The following PICALM variants were observed in gnomAD, a reference collection of about 807,000 sequenced individuals.
PICALM encodes the protein phosphatidylinositol-binding clathrin assembly protein.
A neutral mutation model predicts 80.5 loss-of-function variants in PICALM; 40 were observed. That is an observed-to-expected ratio of 0.50 (90% CI 0.39 to 0.65). The LOEUF is 0.65. Among genes scored for constraint, PICALM ranks in the 30% least tolerant of loss-of-function variants. PICALM has a pLI of 0.00. For missense variants in PICALM, 676 were observed against 778.9 expected, an observed-to-expected ratio of 0.87 and a Z score of 1.57; for synonymous variants, 288 against 260.3, an observed-to-expected ratio of 1.11 and a Z score of -1.02.
intron 13 of PICALM, among the ~76,000 whole-genome samples, chr11:85,988,337 G>A (rs939231009): frequency 1.3e-5 from 2 of 152,048 alleles, no homozygotes; most frequent in African/African-American, 4.8e-5. Context: ...TTTAATTAAG[G>A]CAAATGAAGT....
intron 11 of PICALM, among the ~76,000 whole-genome samples, chr11:85,998,198 G>A (rs756193001): frequency 1.8e-4 from 28 of 151,986 alleles, no homozygotes; most frequent in Non-Finnish European, 3.8e-4. Flanking sequence ...TGCAAGCTCC[G>A]CCTCCCGGGT....
Position 85,976,691 on chromosome 11 carries a change from G to C in PICALM, c.1780-9C>G. ...GCCATTACAGGGGGTGCCTAACATA[G>C]TGAAAGGAAAAATGAACAAGAAAGT... On this transcript the variant is annotated splice_polypyrimidine_tract_variant and intron_variant, in intron 17 of 19. Transcript: ENST00000393346. 6.4e-7 allele frequency: 1 copy of C among 1,552,446 alleles called. No individual in the cohort carries two copies. Among genetic ancestry groups the C allele is most frequent in the Non-Finnish European group, 8.9e-7 (1 of 1,124,398 alleles).
At chr11:86,020,265 G>C (rs970018005) in intron 4 of PICALM, among the ~76,000 whole-genome samples, 1 of 151,968 alleles carries the variant, frequency 6.6e-6, no homozygotes, top group Non-Finnish European at 1.5e-5. Context: ...TCATAGACTA[G>C]AAATTTAATC....
At chr11:85,983,318 C>G (rs1565283499) in intron 14 of PICALM, among the ~76,000 whole-genome samples, 1 of 152,132 alleles carries the variant, frequency 6.6e-6, no homozygotes. Flanking sequence ...AAACCTGGTT[C>G]TACAGATCTA....
At chr11:85,993,338 C>T (rs1385648649) in intron 12 of PICALM, among the ~76,000 whole-genome samples, 2 of 152,080 alleles carry the variant, frequency 1.3e-5, no homozygotes, top group Non-Finnish European at 2.9e-5. Flanking sequence ...CTGCCTGTCT[C>T]AGCTCCCAAA....
chr11:86,068,224 C>G (rs1413000553), intron 1 of PICALM, among the ~76,000 whole-genome samples: 1 of 152,122 alleles, frequency 6.6e-6, no homozygotes, highest in Non-Finnish European at 1.5e-5. Flanking sequence ...TACTGAAACC[C>G]GAAGGAGGCT....
At chr11:85,986,084 T>C (rs1256647612) in intron 13 of PICALM, among the ~76,000 whole-genome samples, 1 of 152,098 alleles carries the variant, frequency 6.6e-6, no homozygotes, top group Admixed American at 6.5e-5. Context: ...CCAGAACTTG[T>C]ATCTCAAGTT....
At chr11:85,982,236 T>G in intron 14 of PICALM, 1 of 459,198 alleles carries the variant, frequency 2.2e-6, no homozygotes, top group African/African-American at 2.0e-5. Flanking sequence ...CATGACAAAA[T>G]TACATTAGGG....
At chr11:85,966,267 T>C (rs1056891658) in intron 19 of PICALM, among the ~76,000 whole-genome samples, 15 of 151,988 alleles carry the variant, frequency 9.9e-5, no homozygotes, top group African/African-American at 3.4e-4. Flanking sequence ...AGTACAGTGG[T>C]GTGATCATTG....
chr11:86,028,016 T>C (rs1039230603), intron 2 of PICALM, among the ~76,000 whole-genome samples: 1 of 152,234 alleles, frequency 6.6e-6, no homozygotes, highest in African/African-American at 2.4e-5. Flanking sequence ...CTCTGCATTC[T>C]AAATTAATGT....
intron 11 of PICALM, among the ~76,000 whole-genome samples, chr11:85,999,361 T>C (rs973515335): frequency 6.6e-6 from 1 of 152,170 alleles, no homozygotes; most frequent in African/African-American, 2.4e-5. Context: ...AAGGTGAAAA[T>C]TTTTAGTATG....
intron 6 of PICALM, 122 bp downstream of exon 6, chr11:86,012,159 C>T (rs2136293852): frequency 2.2e-6 from 1 of 455,040 alleles, no homozygotes; most frequent in South Asian, 5.5e-5. Context: ...TCCAAATTAA[C>T]TGTTACAATG....
At chr11:86,010,324 A>G (rs2095369719) in intron 7 of PICALM, among the ~76,000 whole-genome samples, 1 of 149,042 alleles carries the variant, frequency 6.7e-6, no homozygotes, top group South Asian at 2.1e-4. Flanking sequence ...GTCGGGGAAC[A>G]AAAGCTTTTT....
At position 86,018,326 on chromosome 11, in the gene PICALM, C is replaced by T. The variant is rs574732560; in HGVS notation, c.453-3363G>A. Among the ~76,000 whole-genome samples the T allele has an allele frequency of 2.0e-5, 3 of 152,170 alleles. No homozygotes were observed. The East Asian group carries it at 5.8e-4, about 29-fold the overall frequency. The stretch of plus-strand genomic sequence containing the variant: ...CTAATATAAAATGAACACATATGAA[C>T]GCATTTTTCATGATGATGGAAGAAT... On this transcript the variant is annotated intron_variant, in intron 4 of 19. Coordinates refer to ENST00000393346, the MANE Select transcript of PICALM (RefSeq NM_007166.4).
intron 13 of PICALM, among the ~76,000 whole-genome samples, chr11:85,987,319 C>T (rs1175056267): frequency 6.6e-6 from 1 of 152,062 alleles, no homozygotes; most frequent in East Asian, 1.9e-4. Flanking sequence ...AGACTTGAAC[C>T]CCCATTTGTT....
chr11:85,986,540 G>A (rs969125493), intron 13 of PICALM, among the ~76,000 whole-genome samples: 13 of 151,020 alleles, frequency 8.6e-5, no homozygotes, highest in Non-Finnish European at 1.8e-4. Context: ...ACAGGCGCCC[G>A]CCACCGCGCC....
chr11:86,012,508 A>T (rs1203025101), intron 5 of PICALM, 116 bp from the exon 6 acceptor site: 10 of 602,828 alleles, frequency 1.7e-5, no homozygotes, highest in Non-Finnish European at 3.0e-5. Flanking sequence ...GTTAGTGAAA[A>T]ATACATTTAT....
intron 17 of PICALM, among the ~76,000 whole-genome samples, chr11:85,980,268 T>A (rs895328056): frequency 4.6e-5 from 7 of 152,220 alleles, no homozygotes; most frequent in African/African-American, 7.2e-5. Context: ...GAGTCCATCA[T>A]ACTGCAAGAA....
At chr11:86,034,526 C>T (rs886658302) in intron 1 of PICALM, among the ~76,000 whole-genome samples, 1 of 152,178 alleles carries the variant, frequency 6.6e-6, no homozygotes, top group African/African-American at 2.4e-5. Flanking sequence ...GTAACGATTT[C>T]CCTTGCCAAC....
Sources: gnomAD v4.1 joint callset for allele counts (sites outside exome capture counted in the v4.1 genomes callset) on GRCh38, gnomAD v4.1.1 for gene constraint, MANE v1.5 for transcripts, NCBI Gene and HGNC (gene_info 2026-07-23, HGNC 2026-07-21) for gene names.